The following COL25A1 variants were observed in gnomAD, a reference collection of about 807,000 sequenced individuals.
The protein encoded by COL25A1 is collagen alpha-1(XXV) chain.
COL25A1 carries 103 observed loss-of-function variants against 128.4 expected under a neutral mutation model. The ratio of observed to expected loss-of-function variants is 0.80; its 90% CI spans 0.68 to 0.94. COL25A1 has a LOEUF of 0.94. Ranked by LOEUF, COL25A1 falls within the 40% of genes least tolerant of loss-of-function variation. The pLI is 0.00. For synonymous variants in COL25A1, 279 were observed against 277.2 expected, an observed-to-expected ratio of 1.01 and a Z score of -0.06; for missense variants, 745 against 840.0, an observed-to-expected ratio of 0.89 and a Z score of 1.40.
intron 3 of COL25A1, among the ~76,000 whole-genome samples, chr4:109,211,299 T>TG (rs1274809170): frequency 2.2e-5 from 1 of 45,892 alleles, no homozygotes; most frequent in Admixed American, 2.3e-4. Context: ...ACTATATATA[T>TG]ATATATATAT....
intron 5 of COL25A1, among the ~76,000 whole-genome samples, chr4:109,028,571 CA>C (rs1176705773): frequency 1.3e-5 from 2 of 151,902 alleles, no homozygotes; most frequent in Admixed American, 1.3e-4. Context: ...ACTAAAAATA[CA>C]AAAATTAGCT....
At chr4:109,028,802 A>G (rs189595123) in intron 5 of COL25A1, among the ~76,000 whole-genome samples, 1 of 152,316 alleles carries the variant, frequency 6.6e-6, no homozygotes, top group East Asian at 1.9e-4. Flanking sequence ...TGAGTAAGGT[A>G]GGAGGAGCAC....
chr4:109,131,033 A>G (rs991004939), intron 3 of COL25A1, among the ~76,000 whole-genome samples: 2 of 152,204 alleles, frequency 1.3e-5, no homozygotes, highest in African/African-American at 4.8e-5. Context: ...AAATGAAACA[A>G]TATTTCAAAC....
chr4:108,968,810 C>T (rs1356472658), intron 8 of COL25A1, among the ~76,000 whole-genome samples: 1 of 152,130 alleles, frequency 6.6e-6, no homozygotes, highest in South Asian at 2.1e-4. Flanking sequence ...ACGAATTCAA[C>T]ATAATTAAAA....
At chr4:109,130,105 T>A (rs544750179) in intron 3 of COL25A1, among the ~76,000 whole-genome samples, 20 of 151,714 alleles carry the variant, frequency 1.3e-4, no homozygotes, top group African/African-American at 2.9e-4. Flanking sequence ...ATTAAATCCA[T>A]CTTTCCACAG....
At chr4:109,278,089 C>G (rs926581635) in intron 3 of COL25A1, among the ~76,000 whole-genome samples, 6 of 150,700 alleles carry the variant, frequency 4.0e-5, no homozygotes, top group African/African-American at 1.5e-4. Flanking sequence ...GAGCCGAGAT[C>G]ACACCACTGC....
At chr4:108,919,923 C>T (rs1268298712) in intron 12 of COL25A1, among the ~76,000 whole-genome samples, 1 of 151,982 alleles carries the variant, frequency 6.6e-6, no homozygotes, top group Non-Finnish European at 1.5e-5. Flanking sequence ...CCACCACACC[C>T]AGCTATTTTT....
At chr4:109,071,195 G>A (rs973487084) in intron 3 of COL25A1, among the ~76,000 whole-genome samples, 7 of 152,248 alleles carry the variant, frequency 4.6e-5, no homozygotes, top group Non-Finnish European at 8.8e-5. Context: ...AAGAAATGGG[G>A]AAAGGATTCC....
chr4:108,831,446 T>G (rs1443716268), intron 32 of COL25A1, among the ~76,000 whole-genome samples: 2 of 152,134 alleles, frequency 1.3e-5, no homozygotes, highest in Non-Finnish European at 2.9e-5. Context: ...CTGGCCCTCT[T>G]TTTTTAAAGC....
At chr4:108,846,323 C>A in intron 27 of COL25A1, 104 bp from the exon 28 acceptor site, 1 of 767,186 alleles carries the variant, frequency 1.3e-6, no homozygotes, top group South Asian at 1.5e-5. Flanking sequence ...TAGGTGGGTT[C>A]AATGTTGAGA....
chr4:108,847,808 C>T (rs77269335), intron 27 of COL25A1, among the ~76,000 whole-genome samples: 9,160 of 152,112 alleles, frequency 0.06, 395 homozygotes, highest in East Asian at 0.2. Context: ...CAGCATATAA[C>T]TCTGATAGTA....
At chr4:108,893,753 C>G (rs1349380099) in intron 16 of COL25A1, among the ~76,000 whole-genome samples, 1 of 152,068 alleles carries the variant, frequency 6.6e-6, no homozygotes, top group Non-Finnish European at 1.5e-5. Context: ...GTTTCACATA[C>G]TGAACACAAA....
chr4:108,877,175 G>C (rs1739545172), intron 19 of COL25A1, among the ~76,000 whole-genome samples: 1 of 152,214 alleles, frequency 6.6e-6, no homozygotes, highest in Admixed American at 6.5e-5. Context: ...ACAGAAGCAA[G>C]TCTGTGGAGA....
chr4:109,092,690 G>T (rs1244650948), intron 3 of COL25A1, among the ~76,000 whole-genome samples: 1 of 152,186 alleles, frequency 6.6e-6, no homozygotes, highest in Non-Finnish European at 1.5e-5. Flanking sequence ...ATTTAGAAAA[G>T]TGATTTTGGT....
chr4:109,071,317 C>A (rs1762953362), intron 3 of COL25A1, among the ~76,000 whole-genome samples: 2 of 151,974 alleles, frequency 1.3e-5, no homozygotes, highest in Non-Finnish European at 1.5e-5. Flanking sequence ...TAAAGACTTA[C>A]ATGTTAGACC....
intron 3 of COL25A1, among the ~76,000 whole-genome samples, chr4:109,174,835 A>T (rs1229524322): frequency 3.3e-5 from 5 of 152,190 alleles, no homozygotes. Context: ...GCAGACTACT[A>T]CTGGTCCATG....
At chr4:109,043,756 A>G (rs1467888374) in intron 5 of COL25A1, among the ~76,000 whole-genome samples, 1 of 152,114 alleles carries the variant, frequency 6.6e-6, no homozygotes, top group Non-Finnish European at 1.5e-5. Flanking sequence ...GCTCCATTTA[A>G]AAACCCTAAA....
intron 3 of COL25A1, among the ~76,000 whole-genome samples, chr4:109,202,997 T>C (rs1283748451): frequency 6.6e-6 from 1 of 151,262 alleles, no homozygotes; most frequent in African/African-American, 2.4e-5. Context: ...TAAAGGGGTG[T>C]AAAAAAAATC....
intron 31 of COL25A1, chr4:108,838,027 C>A: frequency 9.5e-7 from 1 of 1,055,840 alleles, no homozygotes; most frequent in Non-Finnish European, 1.4e-6. Context: ...GCTGAGTAAA[C>A]CAGAGTTATC....
Sources: allele counts gnomAD v4.1 joint callset (sites outside exome capture counted in the v4.1 genomes callset), GRCh38; gene constraint gnomAD v4.1.1; transcripts MANE v1.5; gene names NCBI Gene and HGNC (gene_info 2026-07-23, HGNC 2026-07-21).